FGF1: variants seen among roughly 807,000 people sequenced by gnomAD.
FGF1 encodes fibroblast growth factor 1, also known as beta-endothelial cell growth factor.
In FGF1, 9 loss-of-function variants were observed where a neutral mutation model predicts 13.4. The observed-to-expected ratio is 0.67, with a 90% CI of 0.40 to 1.17. FGF1 has a LOEUF of 1.17. Among genes scored for constraint, FGF1 ranks in the 50% most tolerant of loss-of-function variants. FGF1 has a pLI of 0.01. For missense variants in FGF1, 156 were observed against 192.7 expected (o/e 0.81, Z 1.13); for synonymous variants, 93 against 79.0 (o/e 1.18, Z -0.94).
intron 1 of FGF1, among the ~76,000 whole-genome samples, chr5:142,654,046 C>T (rs1377596271): frequency 6.6e-6 from 1 of 152,210 alleles, no homozygotes; most frequent in Non-Finnish European, 1.5e-5. Flanking sequence ...GAGCCAAGAT[C>T]ATGCCACTGC....
At chr5:142,650,014 T>G (rs1054514413) in intron 1 of FGF1, among the ~76,000 whole-genome samples, 16 of 152,202 alleles carry the variant, frequency 1.1e-4, no homozygotes, top group African/African-American at 3.6e-4. Flanking sequence ...AAATGCAGAT[T>G]CCTGGGCCCC....
chr5:142,599,340 C>T (rs1755970190), intron 3 of FGF1, among the ~76,000 whole-genome samples: 1 of 152,186 alleles, frequency 6.6e-6, no homozygotes. Context: ...GATTTAATCT[C>T]CTGATCCCTA....
chr5:142,639,229 TTGC>T (rs1289616281), intron 1 of FGF1, among the ~76,000 whole-genome samples: 7 of 151,996 alleles, frequency 4.6e-5, no homozygotes, highest in Non-Finnish European at 8.8e-5. Flanking sequence ...CCTGTGTGCA[TTGC>T]TACATTATTC....
rs114745452 is a variant in FGF1, at chr5:142,673,638, G to A, written c.-35+12319C>T. Among the ~76,000 whole-genome samples the A allele has an allele frequency of 3.2e-3, 485 of 152,212 alleles. 1 individual carries two copies. Among genetic ancestry groups the A allele is most frequent in the Middle Eastern group, 0.01 (3 of 294 alleles). ...GGAAGAACCAGCCTGACTCTTTTGT[G>A]GTCCTGCTCCACTCCAGCCTCAGCC... On this transcript the variant is annotated intron_variant, in intron 1 of 3. Transcript: ENST00000337706.
intron 1 of FGF1, chr5:142,644,311 C>A (rs1406435207): frequency 6.6e-6 from 1 of 152,218 alleles, no homozygotes; most frequent in Non-Finnish European, 1.5e-5. Context: ...AGACAGCCTT[C>A]TCCTCCACAC....
chr5:142,595,514 A>T, intron 3 of FGF1, 30 bp from the exon 4 acceptor site: 1 of 1,585,952 alleles, frequency 6.3e-7, no homozygotes, highest in Non-Finnish European at 8.6e-7. Flanking sequence ...AGAGAGTAGG[A>T]CAATCAGTGA....
intron 2 of FGF1, among the ~76,000 whole-genome samples, chr5:142,612,510 G>T (rs17217303): frequency 9.1e-4 from 139 of 152,274 alleles, no homozygotes; most frequent in African/African-American, 3.3e-3. Context: ...GTGTTGTGTG[G>T]GGCAGATCAC....
At chr5:142,617,189 A>C (rs1000805769) in intron 1 of FGF1, among the ~76,000 whole-genome samples, 3 of 152,014 alleles carry the variant, frequency 2.0e-5, no homozygotes, top group Non-Finnish European at 2.9e-5. Flanking sequence ...ACATGGCAAA[A>C]ACCCATCTCT....
At chr5:142,606,770 G>A (rs1757790060) in intron 2 of FGF1, among the ~76,000 whole-genome samples, 1 of 152,196 alleles carries the variant, frequency 6.6e-6, no homozygotes, top group African/African-American at 2.4e-5. Context: ...GAGAGGAATT[G>A]AGGAAATGTT....
At chr5:142,625,658 C>T (rs1004260982) in intron 1 of FGF1, among the ~76,000 whole-genome samples, 4 of 152,218 alleles carry the variant, frequency 2.6e-5, no homozygotes, top group African/African-American at 9.7e-5. Flanking sequence ...AATATCCTTC[C>T]TGCAGACGGA....
Position 142,600,789 on chromosome 5 carries a change from A to G in FGF1, c.186T>C (p.Ser62=). The change falls in exon 3 of 4, where the codon AGT becomes AGC. Residue 62 remains serine (S), a synonymous_variant. Coordinates refer to ENST00000337706, the MANE Select transcript of FGF1 (RefSeq NM_000800.5). Reference sequence around the variant, plus strand: ...TATACACCTCCCCCACGCTTTCCGCACTGAGCTGCAGCTGAACTGGAATAA... The same window carrying G: ...TATACACCTCCCCCACGCTTTCCGCGCTGAGCTGCAGCTGAACTGGAATAA... ...RSDQHIQLQL[S]AESVGEVYIK... 6.2e-7 allele frequency: 1 copy of G among 1,612,792 alleles called. No homozygotes were observed. The highest frequency in any genetic ancestry group is 8.5e-7 in the Non-Finnish European group (1 of 1,179,194).
chr5:142,606,669 C>CATCTATAGTAAAATAT (rs1757768732), intron 2 of FGF1, among the ~76,000 whole-genome samples: 1 of 152,082 alleles, frequency 6.6e-6, no homozygotes, highest in South Asian at 2.1e-4. Context: ...CTCATGAATA[C>CATCTATAGTAAAATAT]ATCTATAGTA....
At chr5:142,666,935 A>ACAAAAT (rs1412067308) in intron 1 of FGF1, among the ~76,000 whole-genome samples, 1 of 152,006 alleles carries the variant, frequency 6.6e-6, no homozygotes, top group Non-Finnish European at 1.5e-5. Flanking sequence ...AAAAACAAAA[A>ACAAAAT]CAAAAACAAA....
intron 2 of FGF1, among the ~76,000 whole-genome samples, chr5:142,604,289 T>A (rs1001789811): frequency 7.9e-5 from 12 of 152,212 alleles, no homozygotes; most frequent in Non-Finnish European, 1.3e-4. Context: ...GGTTTTTTTT[T>A]AAATGGTTAT....
chr5:142,677,658 C>A (rs1772880399), intron 1 of FGF1, among the ~76,000 whole-genome samples: 1 of 152,152 alleles, frequency 6.6e-6, no homozygotes, highest in Non-Finnish European at 1.5e-5. Flanking sequence ...GTAGAAGGTC[C>A]CATTGCTGTC....
chr5:142,685,521 T>G (rs1750956905), intron 1 of FGF1: 1 of 152,244 alleles, frequency 6.6e-6, no homozygotes, highest in Admixed American at 6.5e-5. Context: ...CACCGCAGCT[T>G]TCTGCTTCTG....
chr5:142,690,140 T>C (rs1048627339), upstream of FGF1, among the ~76,000 whole-genome samples: 45 of 149,616 alleles, frequency 3.0e-4, no homozygotes, highest in African/African-American at 9.5e-4. Flanking sequence ...GCTAACACGG[T>C]GAAACCCCGT....
intron 1 of FGF1, among the ~76,000 whole-genome samples, chr5:142,619,072 C>T (rs1318970856): frequency 1.3e-5 from 2 of 151,642 alleles, no homozygotes; most frequent in East Asian, 3.9e-4. Context: ...GTAGCTGGGA[C>T]TACAGGCGCC....
chr5:142,607,995 C>T (rs1183888882), intron 2 of FGF1, among the ~76,000 whole-genome samples: 1 of 152,132 alleles, frequency 6.6e-6, no homozygotes, highest in South Asian at 2.1e-4. Flanking sequence ...AGTTTGTTCA[C>T]AGTAAGAATA....
Sources: allele counts gnomAD v4.1 joint callset (sites outside exome capture counted in the v4.1 genomes callset), GRCh38; gene constraint gnomAD v4.1.1; transcripts MANE v1.5; gene names NCBI Gene and HGNC (gene_info 2026-07-23, HGNC 2026-07-21).